The following MCHR2 variants were observed in gnomAD, a reference collection of about 807,000 sequenced individuals.
The protein encoded by MCHR2 is melanin concentrating hormone receptor 2, also known as melanin-concentrating hormone receptor 2.
Under a neutral mutation model 24.8 loss-of-function variants are expected in MCHR2, and 15 were observed. The observed-to-expected ratio is 0.60, with a 90% CI of 0.40 to 0.93. The LOEUF is 0.93. Ranked by LOEUF, MCHR2 falls within the 40% of genes least tolerant of loss-of-function variation. The pLI is 0.00. For synonymous variants in MCHR2, 151 were observed against 147.6 expected (o/e 1.02, Z -0.17); for missense variants, 386 against 408.7 (o/e 0.94, Z 0.48).
chr6:99,967,706 A>G (rs1260698889), intron 1 of MCHR2, among the ~76,000 whole-genome samples: 1 of 152,156 alleles, frequency 6.6e-6, no homozygotes, highest in Non-Finnish European at 1.5e-5. Context: ...AAAATAGCAC[A>G]ATTACATTTA....
At chr6:99,930,306 T>A (rs994349112) in intron 5 of MCHR2, among the ~76,000 whole-genome samples, 27 of 152,138 alleles carry the variant, frequency 1.8e-4, no homozygotes, top group South Asian at 6.2e-4. Flanking sequence ...TGAATCTGAC[T>A]ATTATGTGTC....
rs563931084 is a variant in MCHR2 at position 99,981,468 on chromosome 6, C to G, written c.-28+12468G>C. 3.9e-5 allele frequency among the ~76,000 whole-genome samples: 6 copies of G among 152,112 alleles called. No individual in the cohort carries two copies. In the East Asian group the frequency reaches 9.6e-4, roughly 24 times the overall value. On this transcript the variant is annotated intron_variant, in intron 1 of 5. Transcript: ENST00000281806. ...GGGAAAATCCTTTCTCTGTGGGAAT[C>G]TGGCCAATGGTATGTGTGGTTAAAC...
At chr6:99,966,494 T>C (rs1007797936) in intron 1 of MCHR2, among the ~76,000 whole-genome samples, 2 of 152,150 alleles carry the variant, frequency 1.3e-5, no homozygotes, top group Non-Finnish European at 2.9e-5. Flanking sequence ...ATAATCTACT[T>C]GTCTTTCTTC....
At position 99,947,975 on chromosome 6, in the gene MCHR2, A is replaced by G. The variant is rs1361118814; in HGVS notation, c.183-4T>C. 6.2e-7 allele frequency: 1 copy of G among 1,611,592 alleles called. No homozygotes were observed. Among genetic ancestry groups the G allele is most frequent in the Admixed American group, 1.7e-5 (1 of 59,846 alleles). On this transcript the variant is annotated splice_region_variant and splice_polypyrimidine_tract_variant and intron_variant, in intron 2 of 5. Transcript: ENST00000281806. Reference sequence around the variant, plus strand: ...AGGGACTGTTTTTTTCCTGGATCTGAAAGAGATAGAGGAAACTGAGGATTG... The same window carrying G: ...AGGGACTGTTTTTTTCCTGGATCTGGAAGAGATAGAGGAAACTGAGGATTG...
chr6:99,969,305 C>T (rs1421392843), intron 1 of MCHR2, among the ~76,000 whole-genome samples: 3 of 151,846 alleles, frequency 2.0e-5, no homozygotes, highest in South Asian at 2.1e-4. Context: ...GAAACCCTCT[C>T]TCTACTAAAA....
chr6:99,970,432 T>A (rs1327082074), intron 1 of MCHR2, among the ~76,000 whole-genome samples: 1 of 152,138 alleles, frequency 6.6e-6, no homozygotes, highest in Admixed American at 6.6e-5. Context: ...GTAAATTTGT[T>A]TTGAGTTCAT....
intron 5 of MCHR2, among the ~76,000 whole-genome samples, chr6:99,930,045 A>G (rs548617813): frequency 1.9e-4 from 29 of 150,666 alleles, no homozygotes; most frequent in African/African-American, 7.1e-4. Flanking sequence ...TGGTGACAAA[A>G]TCTCTCAGCA....
intron 5 of MCHR2, 116 bp downstream of exon 5, chr6:99,934,282 A>G: frequency 9.3e-7 from 1 of 1,069,694 alleles, no homozygotes; most frequent in Non-Finnish European, 1.3e-6. Flanking sequence ...ACATATATCA[A>G]TGTCCACATG....
chr6:99,953,316 T>A (rs889357531), intron 2 of MCHR2, among the ~76,000 whole-genome samples: 5 of 152,006 alleles, frequency 3.3e-5, no homozygotes, highest in African/African-American at 1.2e-4. Flanking sequence ...AAGGACCTGG[T>A]TTTTCAATGG....
chr6:99,930,552 T>C (rs1426406248), intron 5 of MCHR2, among the ~76,000 whole-genome samples: 3 of 151,810 alleles, frequency 2.0e-5, no homozygotes, highest in Non-Finnish European at 4.4e-5. Context: ...TTATTCTTTT[T>C]TCTCTAAACT....
intron 1 of MCHR2, among the ~76,000 whole-genome samples, chr6:99,980,564 T>TGC (rs1330598571): frequency 7.2e-5 from 11 of 151,902 alleles, no homozygotes; most frequent in Admixed American, 2.6e-4. Flanking sequence ...TGTGTGTGTG[T>TGC]GCGCTCACGC....
intron 5 of MCHR2, among the ~76,000 whole-genome samples, chr6:99,922,754 C>G (rs1360307506): frequency 6.6e-6 from 1 of 152,118 alleles, no homozygotes; most frequent in East Asian, 1.9e-4. Flanking sequence ...GTCTATGTCT[C>G]TGTTATTATG....
At chr6:99,966,410 G>T (rs779735740) in intron 1 of MCHR2, among the ~76,000 whole-genome samples, 2 of 152,126 alleles carry the variant, frequency 1.3e-5, no homozygotes, top group Non-Finnish European at 2.9e-5. Flanking sequence ...TAAGAAATTT[G>T]TTGCTTTATT....
Position 99,921,267 on chromosome 6 carries a change from A to G in MCHR2, c.708-12T>C. On this transcript the variant is annotated splice_polypyrimidine_tract_variant and intron_variant, in intron 5 of 5. Coordinates refer to ENST00000281806, the MANE Select transcript of MCHR2 (RefSeq NM_001040179.2). ...CACTGGGATTGCAGCTGCAGAGGAA[A>G]CATTCAGATAGACAGGGTATAAACA... 1 of 1,609,188 alleles carries G rather than the reference A, an allele frequency of 6.2e-7. No homozygotes were observed. Among genetic ancestry groups the G allele is most frequent in the Non-Finnish European group, 8.5e-7 (1 of 1,177,652 alleles).
intron 5 of MCHR2, among the ~76,000 whole-genome samples, chr6:99,932,863 G>A (rs1177877673): frequency 6.6e-6 from 1 of 152,144 alleles, no homozygotes; most frequent in East Asian, 1.9e-4. Flanking sequence ...GTGAAGTCCA[G>A]TAAAGAATGG....
At chr6:99,958,466 G>C (rs988544190) in intron 1 of MCHR2, among the ~76,000 whole-genome samples, 1 of 151,666 alleles carries the variant, frequency 6.6e-6, no homozygotes, top group Non-Finnish European at 1.5e-5. Context: ...GTATCTTTAG[G>C]TCCTTGGAGT....
intron 4 of MCHR2, 103 bp from the exon 5 acceptor site, chr6:99,934,620 T>G: frequency 9.1e-7 from 1 of 1,097,678 alleles, no homozygotes; most frequent in Non-Finnish European, 1.2e-6. Flanking sequence ...ATTCTTTCAT[T>G]TTTCAGGGTC....
At position 99,943,123 on chromosome 6, in the gene MCHR2, G is replaced by T; in HGVS notation, c.413C>A (p.Pro138Gln). Residue 138 changes from proline to glutamine, a missense_variant, in exon 4 of 6, where the codon CCA becomes CAA. By Grantham distance (76) the Pro-to-Gln change is moderately conservative (BLOSUM62 -1). Coordinates refer to ENST00000281806, the MANE Select transcript of MCHR2 (RefSeq NM_001040179.2). Reference protein sequence around the residue: ...SVDRYFALVQPFRLTRWRTRY... With the variant: ...SVDRYFALVQQFRLTRWRTRY... ...TGTTCTCCAACGTGTCAGTCGAAAT[G>T]GTTGGACGAGGGCAAAGTACCTGCA... The T allele has an allele frequency of 6.2e-7, 1 of 1,609,922 alleles. No homozygotes were observed. The highest frequency in any genetic ancestry group is 8.5e-7 in the Non-Finnish European group (1 of 1,177,468).
chr6:99,925,709 C>T (rs935893954), intron 5 of MCHR2, among the ~76,000 whole-genome samples: 1 of 151,642 alleles, frequency 6.6e-6, no homozygotes, highest in South Asian at 2.1e-4. Flanking sequence ...TAACTTTGTA[C>T]CCCCAATTTT....
Sources: allele counts gnomAD v4.1 joint callset (sites outside exome capture counted in the v4.1 genomes callset), GRCh38; gene constraint gnomAD v4.1.1; transcripts MANE v1.5; gene names NCBI Gene and HGNC (gene_info 2026-07-23, HGNC 2026-07-21).